C12orf42: variants seen among roughly 807,000 people sequenced by gnomAD.
C12orf42 encodes uncharacterized protein C12orf42.
In C12orf42, 25 loss-of-function variants were observed where a neutral mutation model predicts 21.6. The ratio of observed to expected loss-of-function variants is 1.16; its 90% CI spans 0.84 to 1.62. The LOEUF is 1.62. Among genes scored for constraint, C12orf42 ranks in the 40% most tolerant of loss-of-function variants. The pLI is 0.00. For synonymous variants in C12orf42, 174 were observed against 175.0 expected (o/e 0.99, Z 0.05); for missense variants, 483 against 459.3 (o/e 1.05, Z -0.47).
chr12:103,459,217 G>A (rs932187891), intron 2 of C12orf42, among the ~76,000 whole-genome samples: 1 of 152,202 alleles, frequency 6.6e-6, no homozygotes, highest in East Asian at 1.9e-4. Context: ...CCCTTGAGAA[G>A]CAAGGCCTCA....
intron 4 of C12orf42, among the ~76,000 whole-genome samples, chr12:103,313,904 T>C (rs1201762143): frequency 6.6e-6 from 1 of 152,190 alleles, no homozygotes; most frequent in Non-Finnish European, 1.5e-5. Flanking sequence ...ATAAGGCAAA[T>C]GTATGCCCTC....
chr12:103,541,204 A>G, the C12orf42 span, among the ~76,000 whole-genome samples: 3 of 152,140 alleles, frequency 2.0e-5, no homozygotes, highest in African/African-American at 7.2e-5. Context: ...GCGCCCAGCT[A>G]ATTTTTTTCT....
chr12:103,256,105 T>TACAC (rs2034580049), intron 10 of C12orf42, among the ~76,000 whole-genome samples: 9 of 37,846 alleles, frequency 2.4e-4, no homozygotes, highest in African/African-American at 3.4e-4. Context: ...TATATATATA[T>TACAC]ATATATACAC....
At position 103,477,498 on chromosome 12, in the gene C12orf42, A is replaced by G. The variant is rs184868940; in HGVS notation, c.78+851T>C. On this transcript the variant is annotated intron_variant, in intron 2 of 5. Coordinates refer to ENST00000548883, the MANE Select transcript of C12orf42 (RefSeq NM_198521.5). Reference sequence around the variant, plus strand: ...GAACATTACCTTAGGTGGCAAAAGGAACGTTGCAAATGTGATTAAGAACCT... The same window carrying G: ...GAACATTACCTTAGGTGGCAAAAGGGACGTTGCAAATGTGATTAAGAACCT... Among the ~76,000 whole-genome samples, 112 of 152,222 alleles carry G rather than the reference A, an allele frequency of 7.4e-4. 1 individual carries two copies. The highest frequency in any genetic ancestry group is 2.3e-3 in the African/African-American group (94 of 41,554).
At chr12:103,505,345 T>C in the C12orf42 span, 2 of 281,474 alleles carry the variant, frequency 7.1e-6, no homozygotes, top group Non-Finnish European at 1.4e-5. Context: ...TGCTGGACAT[T>C]GGAGCAGAAT....
the C12orf42 span, among the ~76,000 whole-genome samples, chr12:103,207,898 G>A: frequency 2.6e-5 from 4 of 152,190 alleles, no homozygotes; most frequent in African/African-American, 4.8e-5. Flanking sequence ...CAAGAGAAAG[G>A]CTCATGGGCT....
At chr12:103,186,019 G>A in the C12orf42 span, among the ~76,000 whole-genome samples, 1 of 152,136 alleles carries the variant, frequency 6.6e-6, no homozygotes, top group East Asian at 1.9e-4. Context: ...CCTTCCTTAA[G>A]AAACTAAGTT....
the C12orf42 span, among the ~76,000 whole-genome samples, chr12:103,070,099 T>C: frequency 6.6e-6 from 1 of 152,226 alleles, no homozygotes; most frequent in African/African-American, 2.4e-5. Flanking sequence ...ACAAAAATTC[T>C]ATACTGCTTC....
intron 2 of C12orf42, among the ~76,000 whole-genome samples, chr12:103,441,082 T>G (rs2137296949): frequency 6.6e-6 from 1 of 152,300 alleles, no homozygotes; most frequent in Admixed American, 6.5e-5. Context: ...TTTTAATTGA[T>G]AAGCACCAAC....
chr12:103,337,342 G>T (rs1029258085), intron 4 of C12orf42, among the ~76,000 whole-genome samples: 1 of 151,874 alleles, frequency 6.6e-6, no homozygotes, highest in Non-Finnish European at 1.5e-5. Context: ...GTGGGGCAAG[G>T]TTTTTTTGTT....
the C12orf42 span, among the ~76,000 whole-genome samples, chr12:103,113,313 T>C: frequency 6.6e-6 from 1 of 152,194 alleles, no homozygotes; most frequent in Admixed American, 6.5e-5. Flanking sequence ...GAAACAAACA[T>C]GTTTAGCCCA....
At chr12:103,358,618 A>T (rs2043801455) in intron 4 of C12orf42, among the ~76,000 whole-genome samples, 1 of 151,398 alleles carries the variant, frequency 6.6e-6, no homozygotes, top group Admixed American at 6.6e-5. Context: ...AACCAAAAAA[A>T]AAAACAAAAA....
At chr12:103,283,412 G>A (rs1179736851) in intron 4 of C12orf42, among the ~76,000 whole-genome samples, 1 of 152,034 alleles carries the variant, frequency 6.6e-6, no homozygotes, top group African/African-American at 2.4e-5. Flanking sequence ...CCATCCCACT[G>A]CTTAAAACCT....
At chr12:103,431,941 C>T (rs999882296) in intron 2 of C12orf42, among the ~76,000 whole-genome samples, 15 of 152,072 alleles carry the variant, frequency 9.9e-5, no homozygotes, top group African/African-American at 1.7e-4. Context: ...AAAACTTTAG[C>T]GCAGGAATGA....
At chr12:103,395,807 C>T (rs2047479657) in intron 3 of C12orf42, among the ~76,000 whole-genome samples, 1 of 151,172 alleles carries the variant, frequency 6.6e-6, no homozygotes, top group South Asian at 2.1e-4. Context: ...TATTTTATGC[C>T]ATATACATTA....
At chr12:103,499,932 C>G (rs576133288), upstream of C12orf42, among the ~76,000 whole-genome samples, 8 of 152,284 alleles carry the variant, frequency 5.3e-5, no homozygotes, top group African/African-American at 1.9e-4. Context: ...TAAATTAGAT[C>G]AGTAACATTC....
At chr12:103,511,559 C>T in the C12orf42 span, among the ~76,000 whole-genome samples, 1 of 151,876 alleles carries the variant, frequency 6.6e-6, no homozygotes, top group African/African-American at 2.4e-5. Context: ...CACTGCTCAA[C>T]TCCCCTTTTA....
chr12:103,096,427 AT>A, the C12orf42 span, among the ~76,000 whole-genome samples: 2 of 152,172 alleles, frequency 1.3e-5, no homozygotes, highest in Non-Finnish European at 2.9e-5. Flanking sequence ...ACTTTTAGAT[AT>A]TTATTTTGGC....
chr12:103,494,587 A>T (rs1007818231), intron 1 of C12orf42, among the ~76,000 whole-genome samples: 3 of 151,926 alleles, frequency 2.0e-5, no homozygotes, highest in African/African-American at 7.3e-5. Context: ...CAGTTACTGT[A>T]GTAATGGTTT....
Sources: allele counts gnomAD v4.1 joint callset (sites outside exome capture counted in the v4.1 genomes callset), GRCh38; gene constraint gnomAD v4.1.1; transcripts MANE v1.5; gene names NCBI Gene and HGNC (gene_info 2026-07-23, HGNC 2026-07-21).